MTMR14: variants seen among roughly 807,000 people sequenced by gnomAD.
The protein encoded by MTMR14 is phosphatidylinositol-3,5-bisphosphate 3-phosphatase MTMR14.
A neutral mutation model predicts 86.3 loss-of-function variants in MTMR14; 48 were observed. The observed-to-expected ratio is 0.56, with a 90% CI of 0.44 to 0.71. MTMR14 has a LOEUF of 0.71. MTMR14 is among the 30% of genes least tolerant of loss of function. The pLI is 0.00. For synonymous variants in MTMR14, 366 were observed against 326.1 expected (o/e 1.12, Z -1.32); for missense variants, 780 against 834.6 (o/e 0.93, Z 0.81).
At chr3:9,663,143 G>A (rs756051888) in intron 3 of MTMR14, among the ~76,000 whole-genome samples, 9 of 152,112 alleles carry the variant, frequency 5.9e-5, no homozygotes, top group African/African-American at 2.2e-4. Context: ...GCAACGGTGC[G>A]AAAATTGGTC....
intron 2 of MTMR14, among the ~76,000 whole-genome samples, chr3:9,656,631 GCTAGTCTCAACTC>G (rs920603720): frequency 2.6e-5 from 4 of 152,074 alleles, no homozygotes; most frequent in African/African-American, 9.7e-5. Flanking sequence ...TGATGGCCAG[GCTAGTCTCAACTC>G]CTGGGCTCAA....
chr3:9,671,300 A>G, intron 6 of MTMR14, 130 bp downstream of exon 6: 1 of 1,285,558 alleles, frequency 7.8e-7, no homozygotes. Flanking sequence ...ATCTCACTGT[A>G]TCTTCAGACA....
At chr3:9,651,996 T>G (rs561966223) in intron 1 of MTMR14, among the ~76,000 whole-genome samples, 119 of 152,120 alleles carry the variant, frequency 7.8e-4, no homozygotes, top group Admixed American at 1.4e-3. Flanking sequence ...CATGCCCAGC[T>G]AATTTTTATA....
intron 5 of MTMR14, 48 bp downstream of exon 5, chr3:9,669,540 G>GTCTGGCCATC: frequency 1.9e-6 from 3 of 1,588,706 alleles, no homozygotes; most frequent in Non-Finnish European, 1.7e-6. Flanking sequence ...GGGATGGGGT[G>GTCTGGCCATC]TCTGGCCAGA....
chr3:9,688,728 T>A lies in MTMR14; in HGVS notation c.1268T>A (p.Phe423Tyr), dbSNP rs2125313570. The change falls in exon 15 of 19, where the codon TTC becomes TAC. Residue 423 changes from phenylalanine (F) to tyrosine (Y), a missense_variant. Coordinates refer to ENST00000296003, the MANE Select transcript of MTMR14 (RefSeq NM_001077525.3). ...AGTTTGCCAGCCCGGGATGGAGGCT[T>A]CACCCTGGAAGACATCTGCATGCTG... The part of the protein sequence containing the change: ...RKSLPARDGG[F>Y]TLEDICMLRR... 1 of 1,614,188 alleles carries A rather than the reference T, an allele frequency of 6.2e-7. No individual in the cohort carries two copies. Among genetic ancestry groups the A allele is most frequent in the Non-Finnish European group, 8.5e-7 (1 of 1,180,038 alleles).
At chr3:9,688,802 G>A (rs182867265) in intron 15 of MTMR14, 48 bp downstream of exon 15, 23 of 1,611,500 alleles carry the variant, frequency 1.4e-5, no homozygotes, top group East Asian at 8.9e-5. Flanking sequence ...ACATCTTCCC[G>A]TGTACAGATC....
At chr3:9,671,015 C>T in intron 5 of MTMR14, 33 bp from the exon 6 acceptor site, 1 of 1,613,808 alleles carries the variant, frequency 6.2e-7, no homozygotes. Context: ...GTGAACATGC[C>T]ATGTAACTTC....
intron 9 of MTMR14, among the ~76,000 whole-genome samples, chr3:9,678,291 G>C (rs536513813): frequency 2.0e-5 from 3 of 152,326 alleles, no homozygotes; most frequent in African/African-American, 7.2e-5. Context: ...CTCATTCAAA[G>C]ATTTGCATCC....
intron 2 of MTMR14, among the ~76,000 whole-genome samples, chr3:9,655,034 T>C (rs1438328692): frequency 6.6e-6 from 1 of 152,104 alleles, no homozygotes; most frequent in African/African-American, 2.4e-5. Flanking sequence ...GGGTTGTGTG[T>C]GGGTATCAGT....
At chr3:9,676,924 C>A (rs2075600279) in intron 7 of MTMR14, among the ~76,000 whole-genome samples, 1 of 152,218 alleles carries the variant, frequency 6.6e-6, no homozygotes, top group African/African-American at 2.4e-5. Flanking sequence ...GAAGAGTGAT[C>A]CTCTGCAGCT....
At position 9,677,946 on chromosome 3, in the gene MTMR14, G is replaced by A. The variant is rs766397139; in HGVS notation, c.823-38G>A. ...CCCCATCACCTAAGCCTCCTCTGGTGGCCAACCCACATCTCACAGGAGTCT... is the reference window on the plus strand; with the variant it reads ...CCCCATCACCTAAGCCTCCTCTGGTAGCCAACCCACATCTCACAGGAGTCT... On this transcript the variant is annotated intron_variant, in intron 8 of 18. Transcript: ENST00000296003. This position sits in a 1 kb window ranked among gnomAD's most constrained non-coding sequence, Gnocchi z 4.2. 1.9e-6 allele frequency: 3 copies of A among 1,605,266 alleles called. No individual in the cohort carries two copies. Among genetic ancestry groups the A allele is most frequent in the South Asian group, 2.2e-5 (2 of 90,566 alleles).
chr3:9,668,941 C>A, intron 4 of MTMR14, 147 bp downstream of exon 4: 2 of 844,402 alleles, frequency 2.4e-6, no homozygotes, highest in Non-Finnish European at 3.9e-6. Flanking sequence ...AGTTCGAGAC[C>A]ATCCTGGCTA....
At chr3:9,660,747 G>A (rs974346248) in intron 2 of MTMR14, among the ~76,000 whole-genome samples, 3 of 152,192 alleles carry the variant, frequency 2.0e-5, no homozygotes, top group African/African-American at 7.2e-5. Flanking sequence ...GAAGGATTAG[G>A]ATGTGGAAGC....
At chr3:9,660,941 G>T (rs575259477) in intron 2 of MTMR14, among the ~76,000 whole-genome samples, 2 of 152,314 alleles carry the variant, frequency 1.3e-5, no homozygotes, top group African/African-American at 4.8e-5. Flanking sequence ...TTTGCTAAAG[G>T]TTGGTAGGTG....
chr3:9,696,042 A>G (rs2076272474), intron 17 of MTMR14, among the ~76,000 whole-genome samples: 1 of 152,222 alleles, frequency 6.6e-6, no homozygotes, highest in South Asian at 2.1e-4. Flanking sequence ...TAATGCTGCC[A>G]TCACGCACCT....
rs748172540 is a variant in MTMR14, at chr3:9,684,579, G to A, written c.965-6G>A. The A allele has an allele frequency of 2.5e-6, 4 of 1,614,062 alleles. No homozygotes were observed. The highest frequency in any genetic ancestry group is 2.7e-5 in the African/African-American group (2 of 74,998). On this transcript the variant is annotated splice_polypyrimidine_tract_variant and splice_region_variant and intron_variant, in intron 10 of 18. Transcript: ENST00000296003. ...CTGGGCATCCTCTCCTGCGGTTCCT[G>A]AGTAGATGACAGCGGGCTGCTGGTA... is the stretch of plus-strand genomic sequence containing the variant.
intron 10 of MTMR14, 30 bp from the exon 11 acceptor site, chr3:9,684,555 T>C (rs757020902): frequency 1.2e-6 from 2 of 1,611,650 alleles, no homozygotes; most frequent in Non-Finnish European, 1.7e-6. Context: ...GGTTCTCTCC[T>C]GGGCATCCTC....
chr3:9,683,069 G>C, intron 9 of MTMR14, 109 bp from the exon 10 acceptor site: 1 of 947,428 alleles, frequency 1.1e-6, no homozygotes, highest in Non-Finnish European at 1.6e-6. Flanking sequence ...CTGTAACCAA[G>C]GACCTTGTGT....
intron 17 of MTMR14, among the ~76,000 whole-genome samples, chr3:9,691,440 C>G (rs974342786): frequency 6.6e-6 from 1 of 152,246 alleles, no homozygotes; most frequent in Non-Finnish European, 1.5e-5. Flanking sequence ...CTGTTTGACC[C>G]TCACTGTTCT....
Sources: gnomAD v4.1 joint callset for allele counts (sites outside exome capture counted in the v4.1 genomes callset) on GRCh38, gnomAD v4.1.1 for gene constraint, Gnocchi (gnomAD v3.1) non-coding constraint, MANE v1.5 for transcripts, NCBI Gene and HGNC (gene_info 2026-07-23, HGNC 2026-07-21) for gene names.